The following PROM2 variants were observed in gnomAD, a reference collection of about 807,000 sequenced individuals.
PROM2 encodes the protein prominin 2.
PROM2 carries 90 observed loss-of-function variants against 110.2 expected under a neutral mutation model. That is an observed-to-expected ratio of 0.82 (90% CI 0.69 to 0.97). PROM2 has a LOEUF of 0.97. Among genes scored for constraint, PROM2 ranks in the 50% least tolerant of loss-of-function variants. The pLI is 0.00. For synonymous variants in PROM2, 470 were observed against 467.8 expected, an observed-to-expected ratio of 1.00 and a Z score of -0.06; for missense variants, 1,009 against 1,074.8, an observed-to-expected ratio of 0.94 and a Z score of 0.86.
chr2:95,282,069 G>A lies in PROM2; in HGVS notation c.1643+53G>A, dbSNP rs868100794. On this transcript the variant is annotated intron_variant, in intron 13 of 23. Coordinates refer to ENST00000317620, the MANE Select transcript of PROM2 (RefSeq NM_001165978.3). ...GACCGGGGAAGGAAGGAGGAGGGCC[G>A]GTGTCCCTCAGGGGACATCAGCCCC... 7.0e-5 allele frequency: 113 copies of A among 1,603,858 alleles called. No individual in the cohort carries two copies. The South Asian group carries it at 8.1e-4, about 12-fold the overall frequency.
rs964582820 is a variant in PROM2, at chr2:95,285,098, C to G, written c.1858C>G (p.Pro620Ala). Residue 620 changes from proline (P) to alanine (A), a missense_variant, in exon 15 of 24, where the codon CCC (proline) becomes GCC (alanine). Coordinates refer to ENST00000317620, the MANE Select transcript of PROM2 (RefSeq NM_001165978.3). Reference protein sequence around the residue: ...QSSGLQRIHYPDFLVQIQRPV... With the variant: ...QSSGLQRIHYADFLVQIQRPV... The stretch of plus-strand genomic sequence containing the variant: ...CAGTGGGCTTCAGCGCATCCACTAC[C>G]CCGACTTCCTCGTTCAGGTCAGCGG... 5 of 1,582,000 alleles carry G rather than the reference C, an allele frequency of 3.2e-6. No individual in the cohort carries two copies. The highest frequency in any genetic ancestry group is 3.6e-4 in the Middle Eastern group (2 of 5,592).
At position 95,280,741 on chromosome 2, in the gene PROM2, C is replaced by T. The variant is rs181817643; in HGVS notation, c.1428-501C>T. On this transcript the variant is annotated intron_variant, in intron 11 of 23. Coordinates refer to ENST00000317620, the MANE Select transcript of PROM2 (RefSeq NM_001165978.3). ...CTCACTATAGCCTCACCCTCCCAGG[C>T]TCAAGCGATTCTCACACCTCAGCCT... Among the ~76,000 whole-genome samples the T allele has an allele frequency of 7.2e-5, 11 of 152,314 alleles. No individual in the cohort carries two copies. In the East Asian group the frequency reaches 1.7e-3, roughly 24 times the overall value.
At chr2:95,288,139 C>T (rs1677480386) in intron 20 of PROM2, 72 bp from the exon 21 acceptor site, 2 of 1,494,054 alleles carry the variant, frequency 1.3e-6, no homozygotes, top group African/African-American at 1.4e-5. Flanking sequence ...ACCACTCTCC[C>T]TGAATTGAAT....
At chr2:95,283,472 G>A (rs535237925) in intron 14 of PROM2, among the ~76,000 whole-genome samples, 1 of 152,366 alleles carries the variant, frequency 6.6e-6, no homozygotes, top group Admixed American at 6.5e-5. Flanking sequence ...GCACGGGGAG[G>A]GCACCAGCCA....
chr2:95,279,871 C>A lies in PROM2; in HGVS notation c.1301C>A (p.Ser434Tyr). 6.5e-7 allele frequency: 1 copy of A among 1,532,174 alleles called. No individual in the cohort carries two copies. Among genetic ancestry groups the A allele is most frequent in the South Asian group, 1.3e-5 (1 of 79,616 alleles). The allele number at this position is 1,532,174 out of a possible 1,614,324, so 94.9% of individuals were successfully genotyped here. ...YRWIVGCVLC[S>Y]VVLFVVLCNL... Reference sequence around the variant, plus strand: ...TGGATCGTGGGCTGCGTGCTGTGCTCCGTGGTCCTATTCGTGGTGCTCTGC... The same window carrying A: ...TGGATCGTGGGCTGCGTGCTGTGCTACGTGGTCCTATTCGTGGTGCTCTGC... Residue 434 changes from serine to tyrosine, a missense_variant, in exon 11 of 24, where the codon TCC (serine) becomes TAC (tyrosine). Ser to Tyr is a moderately radical substitution (Grantham distance 144). Transcript: ENST00000317620.
At position 95,278,721 on chromosome 2, in the gene PROM2, G is replaced by C. The variant is rs1271681988; in HGVS notation, c.1051G>C (p.Glu351Gln). 6.2e-7 allele frequency: 1 copy of C among 1,614,076 alleles called. No homozygotes were observed. The change falls in exon 9 of 24, where the codon GAG becomes CAG. Residue 351 changes from glutamate (E) to glutamine (Q), a missense_variant and splice_region_variant. Physicochemically the swap from Glu to Gln is conservative, Grantham distance 29. Coordinates refer to ENST00000317620, the MANE Select transcript of PROM2 (RefSeq NM_001165978.3). ...EANFSSMVQE[E>Q]NSTFNALPAL... ...GCCCAGCACTACTTGGTTCCTGCAG[G>C]AGAACAGCACCTTCAACGCCCTTCC...
At chr2:95,280,061 C>T in intron 11 of PROM2, 64 bp downstream of exon 11, 1 of 1,333,866 alleles carries the variant, frequency 7.5e-7, no homozygotes, top group Non-Finnish European at 9.7e-7. Flanking sequence ...ACTCTCGCTC[C>T]TGAGCATAGC....
In PROM2 at chr2:95,286,506, C is replaced by A; in HGVS notation, c.1975C>A (p.Gln659Lys). The A allele has an allele frequency of 1.9e-6, 3 of 1,613,722 alleles. No individual in the cohort carries two copies. The highest frequency in any genetic ancestry group is 2.5e-6 in the Non-Finnish European group (3 of 1,179,906). The change falls in exon 17 of 24, where the codon CAG becomes AAG. Residue 659 changes from glutamine (Q) to lysine (K), a missense_variant. Transcript: ENST00000317620. ...CAATTCTGTGCTGGGGCAGCGGCTG[C>A]AGGAGGAGGCCCAAGGACTCAGAAA... ...QDNSVLGQRL[Q>K]EEAQGLRNLH...
chr2:95,284,514 G>C (rs1326986030), intron 14 of PROM2, among the ~76,000 whole-genome samples: 1 of 151,534 alleles, frequency 6.6e-6, no homozygotes, highest in African/African-American at 2.4e-5. Flanking sequence ...AAAAAAAAAA[G>C]CAATACCTGA....
chr2:95,279,555 A>G (rs1676915989), intron 10 of PROM2, among the ~76,000 whole-genome samples: 1 of 152,042 alleles, frequency 6.6e-6, no homozygotes, highest in African/African-American at 2.4e-5. Context: ...TTGGCCTCCC[A>G]AAGTGCTGGG....
Position 95,275,649 on chromosome 2 carries a change from CTG to C in PROM2, c.294+142_294+143del, listed in dbSNP as rs1558739748. The C allele has an allele frequency of 1.8e-5, 25 of 1,355,704 alleles. No individual in the cohort carries two copies. In the South Asian group the frequency reaches 2.9e-4, roughly 16 times the overall value. 84.0% of individuals were successfully genotyped at this position (1,355,704 alleles called of 1,614,324 possible). A position where few individuals can be genotyped will look rare whatever the true frequency, so the allele number is the denominator to read the frequency against. ...GGGCTCAGGCATCCTCTCCCCTCCT[CTG>C]TGGGCGCTGCAGTCCGTAGACCTGG... On this transcript the variant is annotated intron_variant, in intron 2 of 23. Coordinates refer to ENST00000317620, the MANE Select transcript of PROM2 (RefSeq NM_001165978.3). The surrounding 1 kb of genome is among the most constrained non-coding windows in gnomAD (Gnocchi z 4.4).
Position 95,287,122 on chromosome 2 carries a change from G to T in PROM2, c.2095-11G>T, listed in dbSNP as rs781535012. On this transcript the variant is annotated splice_polypyrimidine_tract_variant and intron_variant, in intron 18 of 23. Coordinates refer to ENST00000317620, the MANE Select transcript of PROM2 (RefSeq NM_001165978.3). The stretch of plus-strand genomic sequence containing the variant: ...TGTGGGACACTGAGTTGAGGCTCTC[G>T]TCCCCTCCAGCTGGAGACCTCAGAT... 6.2e-7 allele frequency: 1 copy of T among 1,612,800 alleles called. No individual in the cohort carries two copies. Among genetic ancestry groups the T allele is most frequent in the African/African-American group, 1.3e-5 (1 of 74,994 alleles).
chr2:95,275,536 G>A lies in PROM2; in HGVS notation c.294+26G>A, dbSNP rs1353888394. On this transcript the variant is annotated intron_variant, in intron 2 of 23. Coordinates refer to ENST00000317620, the MANE Select transcript of PROM2 (RefSeq NM_001165978.3). The surrounding 1 kb of genome is among the most constrained non-coding windows in gnomAD (Gnocchi z 4.4). The stretch of plus-strand genomic sequence containing the variant: ...GTGAGCAAGCTGGGGAAAGGTGCTG[G>A]GGGAGGGAGTTCTGGGGTGAGCAGC... 1 of 1,613,106 alleles carries A rather than the reference G, an allele frequency of 6.2e-7. No individual in the cohort carries two copies. The highest frequency in any genetic ancestry group is 8.5e-7 in the Non-Finnish European group (1 of 1,179,460).
At chr2:95,285,899 G>A (rs6739268) in intron 16 of PROM2, among the ~76,000 whole-genome samples, 189 bp downstream of exon 16, 149,335 of 152,384 alleles carry the variant, frequency 0.98, 73,192 homozygotes, top group East Asian at 1. Flanking sequence ...TCTGCCACCC[G>A]TTGGCTGTGT....
At position 95,276,398 on chromosome 2, in the gene PROM2, G is replaced by T. The variant is rs377483839; in HGVS notation, c.618+51G>T. ...ATGTGCCCCTGTGAGCACTGGGCCCGGGCAGGACAGAGCCGAGTGGGCCCT... is the reference window on the plus strand; with the variant it reads ...ATGTGCCCCTGTGAGCACTGGGCCCTGGCAGGACAGAGCCGAGTGGGCCCT... On this transcript the variant is annotated intron_variant, in intron 4 of 23. Transcript: ENST00000317620. The surrounding 1 kb of genome is among the most constrained non-coding windows in gnomAD (Gnocchi z 4.6). 1 of 1,604,850 alleles carries T rather than the reference G, an allele frequency of 6.2e-7. No individual in the cohort carries two copies. The highest frequency in any genetic ancestry group is 1.7e-5 in the Admixed American group (1 of 59,516).
At chr2:95,283,576 G>A (rs564316422) in intron 14 of PROM2, among the ~76,000 whole-genome samples, 2 of 152,302 alleles carry the variant, frequency 1.3e-5, no homozygotes, top group African/African-American at 4.8e-5. Flanking sequence ...TCCTCCAGGA[G>A]AAGGCAGCCT....
At chr2:95,277,137 C>T (rs918783971) in intron 6 of PROM2, 76 bp downstream of exon 6, 191 of 1,333,008 alleles carry the variant, frequency 1.4e-4, no homozygotes, top group Middle Eastern at 7.3e-4. Flanking sequence ...TGCACCTAGC[C>T]CTGGATTTCC....
intron 16 of PROM2, 33 bp from the exon 17 acceptor site, chr2:95,286,446 G>A: frequency 6.3e-7 from 1 of 1,595,996 alleles, no homozygotes; most frequent in Non-Finnish European, 8.6e-7. Context: ...ATGGGTCCTG[G>A]GCGGGGCCGT....
intron 10 of PROM2, 64 bp from the exon 11 acceptor site, chr2:95,279,781 C>T: frequency 7.4e-7 from 1 of 1,343,564 alleles, no homozygotes; most frequent in Non-Finnish European, 9.7e-7. Context: ...CCACGTCCCG[C>T]ACCTGTCCAT....
Sources: gnomAD v4.1 joint callset for allele counts (sites outside exome capture counted in the v4.1 genomes callset) on GRCh38, gnomAD v4.1.1 for gene constraint, Gnocchi (gnomAD v3.1) non-coding constraint, MANE v1.5 for transcripts, NCBI Gene and HGNC (gene_info 2026-07-23, HGNC 2026-07-21) for gene names.